CELF4: variants seen among roughly 807,000 people sequenced by gnomAD.
CELF4 encodes the protein CUG-BP- and ETR-3-like factor 4.
A neutral mutation model predicts 59.9 loss-of-function variants in CELF4; 18 were observed. The observed-to-expected ratio is 0.30, with a 90% CI of 0.21 to 0.45. The LOEUF is 0.45. Among genes scored for constraint, CELF4 ranks in the 20% least tolerant of loss-of-function variants. The probability of loss-of-function intolerance (pLI) is 1.00; values close to 1 mark genes in which losing one functional copy is unlikely to be tolerated. For synonymous variants in CELF4, 261 were observed against 267.1 expected (o/e 0.98, Z 0.22); for missense variants, 456 against 689.0 (o/e 0.66, Z 3.79).
rs915060076 is a variant in CELF4 at position 37,246,029 on chromosome 18, T to C, written c.*45-832A>G. On this transcript the variant is annotated intron_variant, in intron 12 of 12. Transcript: ENST00000420428. This position sits in a 1 kb window ranked among gnomAD's most constrained non-coding sequence, Gnocchi z 5.3. ...GTGGCTTTTTGGTGTTTTGTTTTGC[T>C]TTAAAAAAATCATGATCTGACTAGA... Among the ~76,000 whole-genome samples, 1 of 152,202 alleles carries C rather than the reference T, an allele frequency of 6.6e-6. No individual in the cohort carries two copies. The highest frequency in any genetic ancestry group is 1.5e-5 in the Non-Finnish European group (1 of 68,040).
intron 2 of CELF4, among the ~76,000 whole-genome samples, chr18:37,374,944 G>A (rs1282130842): frequency 6.6e-6 from 1 of 152,244 alleles, no homozygotes; most frequent in Non-Finnish European, 1.5e-5. Context: ...CACTCTTGCA[G>A]TTGGAGCATG....
rs1192662865 is a variant in CELF4 at position 37,261,607 on chromosome 18, AT to A, written c.1250-2344del. On this transcript the variant is annotated intron_variant, in intron 10 of 12. Transcript: ENST00000420428. ...CATTCACAGATTACAGAACATGCAGATGGCAGAGCTGGCAGGACTTTAGAGA... is the reference window on the plus strand; with the variant it reads ...CATTCACAGATTACAGAACATGCAGAGGCAGAGCTGGCAGGACTTTAGAGA... Among the ~76,000 whole-genome samples the A allele has an allele frequency of 2.0e-5, 3 of 152,182 alleles. No individual in the cohort carries two copies. In the East Asian group the frequency reaches 5.8e-4, roughly 29 times the overall value.
At chr18:37,547,160 G>GGTGTGTGTGTGTGTGTGTGTGT (rs59169669) in intron 1 of CELF4, among the ~76,000 whole-genome samples, 53 of 144,252 alleles carry the variant, frequency 3.7e-4, no homozygotes, top group African/African-American at 1.2e-3. Flanking sequence ...GTGTGTGTGT[G>GGTGTGTGTGTGTGTGTGTGTGT]GTGTGTGTGT....
At chr18:37,482,061 A>G (rs1052603414) in intron 2 of CELF4, among the ~76,000 whole-genome samples, 10 of 152,166 alleles carry the variant, frequency 6.6e-5, no homozygotes, top group South Asian at 2.1e-4. Context: ...CACACTACCC[A>G]TTTTATAGTA....
At chr18:37,361,676 A>T (rs1338980535) in intron 2 of CELF4, among the ~76,000 whole-genome samples, 1 of 151,696 alleles carries the variant, frequency 6.6e-6, no homozygotes, top group Non-Finnish European at 1.5e-5. Context: ...AGCTCCCTTC[A>T]GCTTTATTCC....
At chr18:37,502,281 T>G (rs535030234) in intron 1 of CELF4, among the ~76,000 whole-genome samples, 10 of 152,212 alleles carry the variant, frequency 6.6e-5, no homozygotes, top group African/African-American at 1.9e-4. Context: ...CTGAAGCCAT[T>G]TCCATCCAGG....
At chr18:37,460,419 T>C (rs956038213) in intron 2 of CELF4, among the ~76,000 whole-genome samples, 3 of 152,200 alleles carry the variant, frequency 2.0e-5, no homozygotes, top group Non-Finnish European at 4.4e-5. Context: ...GCCCAACTAC[T>C]AACAGTGATG....
At chr18:37,442,936 C>T (rs1290955335) in intron 2 of CELF4, among the ~76,000 whole-genome samples, 5 of 152,194 alleles carry the variant, frequency 3.3e-5, no homozygotes, top group Admixed American at 3.3e-4. Flanking sequence ...TTAGTTTGCA[C>T]CTATCTTCCT....
intron 2 of CELF4, among the ~76,000 whole-genome samples, chr18:37,450,951 T>G (rs553215094): frequency 1.9e-4 from 29 of 152,282 alleles, no homozygotes; most frequent in African/African-American, 6.7e-4. Flanking sequence ...CTTGTGGACC[T>G]GCCAAAGCCC....
intron 2 of CELF4, among the ~76,000 whole-genome samples, chr18:37,448,607 C>A (rs1035846869): frequency 1.3e-5 from 2 of 152,344 alleles, no homozygotes; most frequent in East Asian, 1.9e-4. Context: ...CCCCTGACAG[C>A]GTCCTGGCAT....
intron 2 of CELF4, among the ~76,000 whole-genome samples, chr18:37,456,890 C>T (rs145303068): frequency 0.014 from 2,168 of 152,312 alleles, 21 homozygotes; most frequent in Middle Eastern, 0.048. Context: ...CTCCTCCAGC[C>T]CCAGGCCTGC....
At chr18:37,392,852 C>A (rs963776901) in intron 2 of CELF4, among the ~76,000 whole-genome samples, 1 of 152,204 alleles carries the variant, frequency 6.6e-6, no homozygotes, top group African/African-American at 2.4e-5. Flanking sequence ...CCTTCCCTTT[C>A]CCCCGTCATC....
intron 2 of CELF4, among the ~76,000 whole-genome samples, chr18:37,434,715 C>T (rs1011057926): frequency 6.6e-6 from 1 of 152,102 alleles, no homozygotes; most frequent in Admixed American, 6.6e-5. Context: ...GCCACAGATG[C>T]GATCAGTAAA....
In CELF4 at chr18:37,534,553, C is replaced by T. The variant is rs2154605194; in HGVS notation, c.286+30803G>A. Among the ~76,000 whole-genome samples the T allele has an allele frequency of 4.6e-5, 7 of 152,328 alleles. 1 individual carries two copies. The South Asian group carries it at 1.4e-3, about 32-fold the overall frequency. On this transcript the variant is annotated intron_variant, in intron 1 of 12. Coordinates refer to ENST00000420428, the MANE Select transcript of CELF4 (RefSeq NM_020180.4). ...TCACTTACAGAAACTGATTTCAGCT[C>T]AGTCAAGCAGATAAACAGAGAAATC...
chr18:37,418,394 T>G (rs2099546697), intron 2 of CELF4, among the ~76,000 whole-genome samples: 1 of 152,246 alleles, frequency 6.6e-6, no homozygotes, highest in East Asian at 1.9e-4. Flanking sequence ...CCAGTGGCTC[T>G]GCTCTCTCTT....
intron 11 of CELF4, among the ~76,000 whole-genome samples, chr18:37,256,446 T>G (rs1383536827): frequency 1.3e-5 from 2 of 152,144 alleles, no homozygotes; most frequent in Admixed American, 6.6e-5. Flanking sequence ...CTGCCCTGGG[T>G]AAGCTCCCTC....
intron 3 of CELF4, among the ~76,000 whole-genome samples, chr18:37,286,799 G>A (rs1296437605): frequency 6.6e-6 from 1 of 152,130 alleles, no homozygotes; most frequent in Non-Finnish European, 1.5e-5. Context: ...AACCTCTAGC[G>A]ACCCTGGGTT....
intron 3 of CELF4, among the ~76,000 whole-genome samples, chr18:37,297,659 C>T (rs1311970071): frequency 6.6e-6 from 1 of 152,248 alleles, no homozygotes; most frequent in South Asian, 2.1e-4. Flanking sequence ...AGAGCATTTC[C>T]GTTTCCCCAG....
intron 2 of CELF4, among the ~76,000 whole-genome samples, chr18:37,338,028 G>A (rs34485517): frequency 7.5e-5 from 11 of 146,880 alleles, no homozygotes; most frequent in Non-Finnish European, 1.1e-4. Context: ...CACCACTGTC[G>A]CTGCCACCAT....
Sources: allele counts gnomAD v4.1 joint callset (sites outside exome capture counted in the v4.1 genomes callset), GRCh38; gene constraint gnomAD v4.1.1; non-coding constraint Gnocchi (gnomAD v3.1); transcripts MANE v1.5; gene names NCBI Gene and HGNC (gene_info 2026-07-23, HGNC 2026-07-21).